Variants in SLC2A9 observed in about 807,000 individuals in gnomAD.
SLC2A9 encodes the protein solute carrier family 2, facilitated glucose transporter member 9.
In SLC2A9, 39 loss-of-function variants were observed where a neutral mutation model predicts 50.6. That is an observed-to-expected ratio of 0.77 (90% CI 0.60 to 1.01). SLC2A9 has a LOEUF of 1.01. SLC2A9 is among the 50% of genes least tolerant of loss of function. The probability of loss-of-function intolerance (pLI) is 0.00; values close to 1 mark genes in which losing one functional copy is unlikely to be tolerated. For missense variants in SLC2A9, 686 were observed against 677.6 expected (o/e 1.01, Z -0.14); for synonymous variants, 324 against 276.9 (o/e 1.17, Z -1.69).
chr4:9,878,941 C>T, intron 10 of SLC2A9: 2 of 686,934 alleles, frequency 2.9e-6, no homozygotes, highest in Non-Finnish European at 3.6e-6. Flanking sequence ...AATACACACA[C>T]ACATTTGGTG....
chr4:10,038,782 C>T (rs987074595), intron 1 of SLC2A9, among the ~76,000 whole-genome samples: 6 of 152,142 alleles, frequency 3.9e-5, no homozygotes, highest in African/African-American at 1.2e-4. Context: ...CTAAGGATCC[C>T]GAACTTGATT....
intron 6 of SLC2A9, among the ~76,000 whole-genome samples, chr4:9,940,116 G>T (rs551722553): frequency 2.6e-5 from 4 of 152,166 alleles, no homozygotes; most frequent in African/African-American, 9.7e-5. Context: ...AGAGCCAGAG[G>T]GGGTGCGGGT....
chr4:9,844,535 T>A (rs115843320), intron 10 of SLC2A9, among the ~76,000 whole-genome samples: 1 of 152,214 alleles, frequency 6.6e-6, no homozygotes, highest in Non-Finnish European at 1.5e-5. Flanking sequence ...TTATACTTAG[T>A]TATGTTCAAG....
chr4:9,826,705 T>C (rs1410905195), intron 11 of SLC2A9, 105 bp from the exon 12 acceptor site: 2 of 1,034,022 alleles, frequency 1.9e-6, no homozygotes, highest in Non-Finnish European at 2.9e-6. Flanking sequence ...CATATACCAA[T>C]ACTCCTAGAC....
downstream of SLC2A9, among the ~76,000 whole-genome samples, chr4:9,825,300 A>T (rs1009046934): frequency 6.6e-6 from 1 of 152,186 alleles, no homozygotes; most frequent in African/African-American, 2.4e-5. Context: ...GCCCCTCAAC[A>T]TATCTATTCC....
chr4:9,995,337 TC>T (rs1326626817), intron 3 of SLC2A9, among the ~76,000 whole-genome samples: 3 of 152,122 alleles, frequency 2.0e-5, no homozygotes, highest in African/African-American at 7.2e-5. Flanking sequence ...TGTCAGCACC[TC>T]CCCTACCTCA....
At chr4:9,889,070 GT>G (rs951429258) in intron 9 of SLC2A9, among the ~76,000 whole-genome samples, 7 of 152,252 alleles carry the variant, frequency 4.6e-5, no homozygotes, top group African/African-American at 1.7e-4. Flanking sequence ...AACAGTGAAA[GT>G]CAATGGTATG....
intron 3 of SLC2A9, among the ~76,000 whole-genome samples, chr4:9,789,695 A>G (rs1719662483): frequency 1.3e-5 from 2 of 152,254 alleles, no homozygotes; most frequent in African/African-American, 4.8e-5. Flanking sequence ...ACCCCTACTC[A>G]CAAGAGCAGG....
At chr4:9,842,228 C>A (rs1728192935) in intron 10 of SLC2A9, among the ~76,000 whole-genome samples, 1 of 152,078 alleles carries the variant, frequency 6.6e-6, no homozygotes, top group Non-Finnish European at 1.5e-5. Context: ...CCTAAAATCC[C>A]TTGATTATTA....
At chr4:9,809,942 T>C (rs1201958893) in intron 3 of SLC2A9, among the ~76,000 whole-genome samples, 1 of 151,956 alleles carries the variant, frequency 6.6e-6, no homozygotes, top group South Asian at 2.1e-4. Flanking sequence ...CCAGGTAACC[T>C]ATTTTATAGG....
intron 1 of SLC2A9, among the ~76,000 whole-genome samples, chr4:9,773,541 G>T (rs1189160695): frequency 4.6e-5 from 7 of 152,218 alleles, no homozygotes; most frequent in Non-Finnish European, 1.0e-4. Context: ...ACTGGATTAG[G>T]AAAACTCGCT....
downstream of SLC2A9, among the ~76,000 whole-genome samples, chr4:9,776,058 G>C (rs115209733): frequency 3.8e-3 from 571 of 152,160 alleles, 3 homozygotes; most frequent in Non-Finnish European, 6.1e-3. Context: ...CCACTTGACA[G>C]CAAGGGAACC....
chr4:10,031,660 T>A (rs1386235875), intron 1 of SLC2A9, among the ~76,000 whole-genome samples: 2 of 152,246 alleles, frequency 1.3e-5, no homozygotes, highest in Non-Finnish European at 2.9e-5. Flanking sequence ...CTTATGAAAT[T>A]CTGGAAAGTT....
At chr4:9,868,370 C>T (rs886779176) in intron 10 of SLC2A9, among the ~76,000 whole-genome samples, 5 of 152,214 alleles carry the variant, frequency 3.3e-5, no homozygotes, top group African/African-American at 1.2e-4. Flanking sequence ...GCAGGTGGCC[C>T]ATCATGTAAT....
chr4:9,785,856 G>C (rs1398323070), intron 3 of SLC2A9, among the ~76,000 whole-genome samples: 1 of 152,190 alleles, frequency 6.6e-6, no homozygotes, highest in Admixed American at 6.5e-5. Context: ...ACGCCAGGCA[G>C]GGGTAATTGC....
chr4:9,781,018 G>T (rs1309410200), intron 3 of SLC2A9, among the ~76,000 whole-genome samples: 4 of 152,102 alleles, frequency 2.6e-5, no homozygotes, highest in African/African-American at 9.7e-5. Flanking sequence ...GGGGGCGGTG[G>T]TGGGGAAAAG....
intron 5 of SLC2A9, among the ~76,000 whole-genome samples, chr4:9,953,644 A>G (rs544056073): frequency 6.6e-6 from 1 of 152,298 alleles, no homozygotes; most frequent in South Asian, 2.1e-4. Context: ...GTTTTTTGAG[A>G]CAGGGTCTCA....
At chr4:9,799,447 T>A (rs548242750) in intron 3 of SLC2A9, among the ~76,000 whole-genome samples, 100 of 152,242 alleles carry the variant, frequency 6.6e-4, no homozygotes, top group East Asian at 4.8e-3. Context: ...CAAAAGTTCA[T>A]CTTCATCTCT....
chr4:9,885,382 C>G (rs960040347), intron 10 of SLC2A9, among the ~76,000 whole-genome samples: 1 of 152,170 alleles, frequency 6.6e-6, no homozygotes, highest in Non-Finnish European at 1.5e-5. Context: ...CCTTTTGCTC[C>G]ATGCAATTGG....
Sources: allele counts gnomAD v4.1 joint callset (sites outside exome capture counted in the v4.1 genomes callset), GRCh38; gene constraint gnomAD v4.1.1; transcripts MANE v1.5; gene names NCBI Gene and HGNC (gene_info 2026-07-23, HGNC 2026-07-21).